Variants in BLTP3A observed in about 807,000 individuals in gnomAD.
BLTP3A encodes bridge-like lipid transfer protein family member 3A, also known as ICBP90 binding protein 1.
the BLTP3A span, among the ~76,000 whole-genome samples, chr6:34,819,614 A>G: frequency 1.9e-3 from 284 of 152,336 alleles, 1 homozygote; most frequent in African/African-American, 6.5e-3. Flanking sequence ...AGACACTGTC[A>G]TATGATTATG....
chr6:34,847,921 C>CTTTCTTTTTTTTTTTTTTTTTT, the BLTP3A span, among the ~76,000 whole-genome samples: 19 of 91,164 alleles, frequency 2.1e-4, 2 homozygotes, highest in East Asian at 3.1e-4. Context: ...TCTTTTTTTC[C>CTTTCTTTTTTTTTTTTTTTTTT]TTTTTTTTTT....
the BLTP3A span, among the ~76,000 whole-genome samples, chr6:34,811,682 CCCCG>C: frequency 1.1e-4 from 12 of 113,742 alleles, 1 homozygote; most frequent in African/African-American, 4.9e-4. Flanking sequence ...AGACCCCCCC[CCCCG>C]CATCTCTACT....
At chr6:34,813,045 A>G in the BLTP3A span, among the ~76,000 whole-genome samples, 2 of 152,212 alleles carry the variant, frequency 1.3e-5, no homozygotes, top group South Asian at 4.1e-4. Flanking sequence ...CAATGGAAAA[A>G]ATGGTGAAGG....
chr6:34,840,554 G>A, the BLTP3A span, among the ~76,000 whole-genome samples: 2 of 150,930 alleles, frequency 1.3e-5, no homozygotes, highest in African/African-American at 2.4e-5. Context: ...GGACAAGAGC[G>A]AGACTTTGTC....
chr6:34,794,084 C>T, the BLTP3A span, among the ~76,000 whole-genome samples: 6 of 151,594 alleles, frequency 4.0e-5, no homozygotes, highest in Non-Finnish European at 5.9e-5. Context: ...CGCTTCAGCT[C>T]GGGAGGCGGA....
At chr6:34,824,017 A>AGG in the BLTP3A span, among the ~76,000 whole-genome samples, 1 of 150,056 alleles carries the variant, frequency 6.7e-6, no homozygotes, top group Non-Finnish European at 1.5e-5. Context: ...ATCTTGGCTC[A>AGG]CTGCATCATC....
chr6:34,857,595 CTT>C, the BLTP3A span: 1 of 1,470,572 alleles, frequency 6.8e-7, no homozygotes, highest in African/African-American at 1.4e-5. Flanking sequence ...ATTTAGCACA[CTT>C]TTGTTAAACA....
At chr6:34,797,496 C>T in the BLTP3A span, among the ~76,000 whole-genome samples, 1 of 152,166 alleles carries the variant, frequency 6.6e-6, no homozygotes, top group Non-Finnish European at 1.5e-5. Flanking sequence ...AGTAGGAGTT[C>T]CAGGCTCAGA....
the BLTP3A span, among the ~76,000 whole-genome samples, chr6:34,802,250 G>A: frequency 6.6e-6 from 1 of 151,914 alleles, no homozygotes; most frequent in East Asian, 1.9e-4. Flanking sequence ...TTGTTGCCAC[G>A]GCTGGAGTGC....
chr6:34,836,087 G>A, the BLTP3A span: 1 of 1,543,520 alleles, frequency 6.5e-7, no homozygotes, highest in Non-Finnish European at 8.7e-7. Flanking sequence ...CTGGACCAAA[G>A]CTTAAAGAAA....
the BLTP3A span, chr6:34,855,742 C>G: frequency 6.2e-7 from 1 of 1,611,450 alleles, no homozygotes; most frequent in African/African-American, 1.3e-5. Flanking sequence ...CTCGCATAGC[C>G]CAAAATATTG....
chr6:34,850,482 A>C, the BLTP3A span, among the ~76,000 whole-genome samples: 1 of 152,144 alleles, frequency 6.6e-6, no homozygotes, highest in Non-Finnish European at 1.5e-5. Flanking sequence ...CTTAAGGCCA[A>C]TAATTCTTAG....
the BLTP3A span, chr6:34,877,307 T>C: frequency 6.6e-6 from 1 of 152,664 alleles, no homozygotes; most frequent in African/African-American, 2.4e-5. Flanking sequence ...GGATGCCAGT[T>C]ACATACAATA....
the BLTP3A span, chr6:34,873,743 A>C: frequency 1.5e-4 from 23 of 152,278 alleles, no homozygotes; most frequent in Non-Finnish European, 2.9e-4. Flanking sequence ...TCGACCATTC[A>C]CCTTTCCATA....
chr6:34,862,056 T>G, the BLTP3A span, among the ~76,000 whole-genome samples: 1 of 152,230 alleles, frequency 6.6e-6, no homozygotes, highest in East Asian at 1.9e-4. Flanking sequence ...TTGGAATATT[T>G]TACATATCTA....
At chr6:34,797,483 G>A in the BLTP3A span, among the ~76,000 whole-genome samples, 10 of 152,180 alleles carry the variant, frequency 6.6e-5, no homozygotes, top group East Asian at 3.8e-4. Flanking sequence ...GCCTCCAGTT[G>A]ATAGTAGGAG....
the BLTP3A span, chr6:34,857,997 T>C: frequency 6.4e-7 from 1 of 1,568,048 alleles, no homozygotes; most frequent in Non-Finnish European, 8.6e-7. Flanking sequence ...ATGGTTTTGC[T>C]CTGTCCATTT....
chr6:34,849,460 A>T, the BLTP3A span, among the ~76,000 whole-genome samples: 1 of 151,944 alleles, frequency 6.6e-6, no homozygotes, highest in Admixed American at 6.6e-5. Context: ...ATTAACAAAA[A>T]CTCTAATTTC....
At chr6:34,850,887 G>A in the BLTP3A span, among the ~76,000 whole-genome samples, 126 of 152,062 alleles carry the variant, frequency 8.3e-4, no homozygotes, top group South Asian at 4.2e-3. Context: ...TTGTAAAGAC[G>A]GGGTCTCACT....
Sources: gnomAD v4.1 joint callset for allele counts (sites outside exome capture counted in the v4.1 genomes callset) on GRCh38, gnomAD v4.1.1 for gene constraint, MANE v1.5 for transcripts, NCBI Gene and HGNC (gene_info 2026-07-23, HGNC 2026-07-21) for gene names.